The following HP1BP3 variants were observed in gnomAD, a reference collection of about 807,000 sequenced individuals.
HP1BP3 encodes the protein heterochromatin protein 1-binding protein 3.
HP1BP3 carries 12 observed loss-of-function variants against 62.5 expected under a neutral mutation model. That is an observed-to-expected ratio of 0.19 (90% CI 0.12 to 0.31). HP1BP3 has a LOEUF of 0.31. HP1BP3 is among the 10% of genes least tolerant of loss of function. The probability of loss-of-function intolerance (pLI) is 1.00; values close to 1 mark genes in which losing one functional copy is unlikely to be tolerated. For missense variants in HP1BP3, 502 were observed against 651.8 expected (o/e 0.77, Z 2.50); for synonymous variants, 260 against 237.8 (o/e 1.09, Z -0.86).
intron 5 of HP1BP3, among the ~76,000 whole-genome samples, chr1:20,772,138 T>G (rs2057088160): frequency 6.6e-6 from 1 of 152,132 alleles, no homozygotes; most frequent in Non-Finnish European, 1.5e-5. Flanking sequence ...ACAAATAATC[T>G]TTTGCTCCAC....
intron 6 of HP1BP3, among the ~76,000 whole-genome samples, chr1:20,770,456 G>C (rs2057006504): frequency 6.6e-6 from 1 of 152,022 alleles, no homozygotes; most frequent in East Asian, 1.9e-4. Context: ...CCTGGGACTA[G>C]AGGCATGTGT....
intron 8 of HP1BP3, among the ~76,000 whole-genome samples, chr1:20,763,748 C>T (rs1001606036): frequency 3.3e-5 from 5 of 152,086 alleles, no homozygotes; most frequent in African/African-American, 9.7e-5. Flanking sequence ...GCAAATTTTA[C>T]GTATCAATTA....
intron 4 of HP1BP3, chr1:20,775,861 G>A: frequency 8.4e-7 from 1 of 1,195,836 alleles, no homozygotes; most frequent in Non-Finnish European, 1.2e-6. Flanking sequence ...TACACTTTAT[G>A]ATGTTGGCAC....
Position 20,745,665 on chromosome 1 carries a change from G to T in HP1BP3, c.1254-9C>A. 1 of 1,611,566 alleles carries T rather than the reference G, an allele frequency of 6.2e-7. No homozygotes were observed. Among genetic ancestry groups the T allele is most frequent in the Non-Finnish European group, 8.5e-7 (1 of 1,178,790 alleles). ...GAAACAGAACTCCTGGGCTATACGGGGAAAAATTAGATTAAAACACAAGTC... is the reference window on the plus strand; with the variant it reads ...GAAACAGAACTCCTGGGCTATACGGTGAAAAATTAGATTAAAACACAAGTC... On this transcript the variant is annotated splice_polypyrimidine_tract_variant and intron_variant, in intron 11 of 12. Coordinates refer to ENST00000438032, the MANE Select transcript of HP1BP3 (RefSeq NM_001372052.1).
At chr1:20,767,203 C>T (rs747589446) in intron 7 of HP1BP3, among the ~76,000 whole-genome samples, 26 of 152,058 alleles carry the variant, frequency 1.7e-4, no homozygotes, top group Non-Finnish European at 3.7e-4. Flanking sequence ...GTAATCCCAG[C>T]TACTCAGGAG....
chr1:20,774,396 A>G (rs1025439010), intron 4 of HP1BP3: 2 of 152,106 alleles, frequency 1.3e-5, no homozygotes, highest in African/African-American at 4.8e-5. Context: ...TAGTTGCTAT[A>G]AATTCCACAG....
chr1:20,740,854 G>A lies in HP1BP3; in HGVS notation c.*3943C>T, dbSNP rs968116818. ...AGTAAAAGAATATAGTTATAAAGAC[G>A]GTAGAGATTAATTTCTTAAGAAAAT... On this transcript the variant is annotated 3_prime_UTR_variant, in exon 13 of 13. Transcript: ENST00000438032. Among the ~76,000 whole-genome samples the A allele has an allele frequency of 9.9e-5, 15 of 152,262 alleles. No homozygotes were observed. The highest frequency in any genetic ancestry group is 3.9e-4 in the East Asian group (2 of 5,182).
intron 1 of HP1BP3, among the ~76,000 whole-genome samples, chr1:20,783,550 AC>A (rs1326462742): frequency 8.4e-4 from 128 of 151,774 alleles, no homozygotes; most frequent in Non-Finnish European, 2.9e-5. Context: ...TAAAAAAAAA[AC>A]AAAAAAAATA....
chr1:20,751,225 CTGTT>C (rs1396261314), intron 9 of HP1BP3, among the ~76,000 whole-genome samples: 2 of 151,880 alleles, frequency 1.3e-5, no homozygotes, highest in Non-Finnish European at 2.9e-5. Flanking sequence ...TGTGTATTAA[CTGTT>C]TGTAAGGCTT....
chr1:20,767,554 A>G (rs2056845925), intron 7 of HP1BP3, 30 bp downstream of exon 7: 4 of 1,401,090 alleles, frequency 2.9e-6, no homozygotes. Flanking sequence ...ACAGCTCCAC[A>G]GCACTCAAAC....
chr1:20,761,084 G>T (rs973049683), intron 8 of HP1BP3, among the ~76,000 whole-genome samples: 1 of 152,012 alleles, frequency 6.6e-6, no homozygotes, highest in Non-Finnish European at 1.5e-5. Flanking sequence ...TCACTCTGTC[G>T]CCCAGGCTGG....
Position 20,779,881 on chromosome 1 carries a change from G to A in HP1BP3, c.127C>T (p.Arg43Ter). Residue 43 changes from arginine to a stop codon, truncating the protein, a stop_gained, in exon 3 of 13, where the codon CGA (arginine) becomes TGA (stop). Coordinates refer to ENST00000438032, the MANE Select transcript of HP1BP3 (RefSeq NM_001372052.1). LOFTEE classifies it high-confidence loss of function. ...KVEDSTMPIR[R>*]TVNSTRETPP... ...GTTTCCCGGGTAGAATTCACAGTTC[G>A]ACGAATCGGCATGGTGCTATCTTCT... 6.2e-7 allele frequency: 1 copy of A among 1,613,406 alleles called. No homozygotes were observed. The highest frequency in any genetic ancestry group is 8.5e-7 in the Non-Finnish European group (1 of 1,179,748).
At chr1:20,754,788 A>AT (rs1258674542) in intron 9 of HP1BP3, among the ~76,000 whole-genome samples, 1 of 152,214 alleles carries the variant, frequency 6.6e-6, no homozygotes, top group Admixed American at 6.5e-5. Flanking sequence ...AAAAAGATAA[A>AT]TTATACCCTT....
intron 3 of HP1BP3, 69 bp downstream of exon 3, chr1:20,779,743 A>C: frequency 4.2e-6 from 4 of 957,288 alleles, no homozygotes; most frequent in Non-Finnish European, 6.2e-6. Context: ...AGTTCAAAGG[A>C]ATTTATGGGA....
chr1:20,776,250 T>C, intron 4 of HP1BP3: 1 of 442,852 alleles, frequency 2.3e-6, no homozygotes, highest in Non-Finnish European at 3.9e-6. Flanking sequence ...AATAGTGAAA[T>C]GTCTTCTAGG....
At chr1:20,760,411 C>T (rs2056398400) in intron 8 of HP1BP3, among the ~76,000 whole-genome samples, 1 of 152,130 alleles carries the variant, frequency 6.6e-6, no homozygotes, top group African/African-American at 2.4e-5. Context: ...TGTGGTGACA[C>T]ATTCCTGCAG....
Position 20,740,574 on chromosome 1 carries a change from A to C in HP1BP3, c.*4223T>G, listed in dbSNP as rs2055054637. Among the ~76,000 whole-genome samples the C allele has an allele frequency of 6.6e-6, 1 of 152,234 alleles. No homozygotes were observed. Among genetic ancestry groups the C allele is most frequent in the African/African-American group, 2.4e-5 (1 of 41,472 alleles). ...GGCGACTCACGCCTGTAATCCTGGCACTTTGGAAAGCCCAGGTGGGAAGAT... is the reference window on the plus strand; with the variant it reads ...GGCGACTCACGCCTGTAATCCTGGCCCTTTGGAAAGCCCAGGTGGGAAGAT... On this transcript the variant is annotated 3_prime_UTR_variant, in exon 13 of 13. Transcript: ENST00000438032.
intron 10 of HP1BP3, among the ~76,000 whole-genome samples, 166 bp from the exon 11 acceptor site, chr1:20,747,821 T>C (rs1173979933): frequency 1.3e-5 from 2 of 152,240 alleles, no homozygotes; most frequent in Non-Finnish European, 2.9e-5. Flanking sequence ...CATTTACTTA[T>C]TGCCCATAAG....
intron 9 of HP1BP3, among the ~76,000 whole-genome samples, chr1:20,756,172 TAAA>T (rs548963672): frequency 3.3e-5 from 5 of 152,150 alleles, no homozygotes; most frequent in Non-Finnish European, 7.4e-5. Context: ...ATAAAGCTGT[TAAA>T]AAAATAACGA....
Sources: allele counts gnomAD v4.1 joint callset (sites outside exome capture counted in the v4.1 genomes callset), GRCh38; gene constraint gnomAD v4.1.1; transcripts MANE v1.5; gene names NCBI Gene and HGNC (gene_info 2026-07-23, HGNC 2026-07-21).